MACF1: variants seen among roughly 807,000 people sequenced by gnomAD.
MACF1 encodes microtubule actin crosslinking factor 1.
In MACF1, 193 loss-of-function variants were observed where a neutral mutation model predicts 854.8. That is an observed-to-expected ratio of 0.23 (90% CI 0.20 to 0.25). MACF1 has a LOEUF of 0.25. Among genes scored for constraint, MACF1 ranks in the 10% least tolerant of loss-of-function variants. The pLI, the probability that MACF1 is intolerant of heterozygous loss-of-function variation, is 1.00. For synonymous variants in MACF1, 3,185 were observed against 3,226.7 expected, an observed-to-expected ratio of 0.99 and a Z score of 0.44; for missense variants, 7,722 against 8,929.1, an observed-to-expected ratio of 0.86 and a Z score of 5.45.
intron 20 of MACF1, among the ~76,000 whole-genome samples, 159 bp from the exon 21 acceptor site, chr1:39,297,461 C>T (rs968973766): frequency 3.9e-5 from 6 of 152,120 alleles, no homozygotes; most frequent in African/African-American, 9.7e-5. Flanking sequence ...TTAAGCCCTT[C>T]GGTTTATGTT....
At chr1:39,147,211 C>T (rs1643486301) in intron 2 of MACF1, among the ~76,000 whole-genome samples, 1 of 150,230 alleles carries the variant, frequency 6.7e-6, no homozygotes. Flanking sequence ...CTCTCCTCAC[C>T]TTCCCCTTTT....
chr1:39,247,738 A>G (rs1056449020), intron 2 of MACF1, among the ~76,000 whole-genome samples: 2 of 152,224 alleles, frequency 1.3e-5, no homozygotes, highest in African/African-American at 4.8e-5. Flanking sequence ...TGCAGATTAA[A>G]TTTAAAAGTG....
intron 2 of MACF1, among the ~76,000 whole-genome samples, chr1:39,146,263 C>T (rs1005484391): frequency 3.3e-5 from 5 of 151,854 alleles, no homozygotes; most frequent in African/African-American, 7.3e-5. Flanking sequence ...GCCAACATGG[C>T]GAAACCCCAT....
At chr1:39,292,087 G>A in intron 16 of MACF1, 49 bp downstream of exon 16, 1 of 1,605,606 alleles carries the variant, frequency 6.2e-7, no homozygotes, top group Non-Finnish European at 8.5e-7. Flanking sequence ...GGTTGGAACG[G>A]ATGAAAGGAC....
rs776414004 is a variant in MACF1 at position 39,370,141 on chromosome 1, T to C, written c.13050T>C (p.Thr4350=). The C allele has an allele frequency of 1.2e-5, 19 of 1,613,956 alleles. No homozygotes were observed. Among genetic ancestry groups the C allele is most frequent in the Non-Finnish European group, 1.5e-5 (18 of 1,179,976 alleles). ...ETEGSIPPTE[T]SMSAKELEKQ... ...AAGGGAGTATTCCACCTACGGAAAC[T>C]TCTATGAGTGCTAAAGAGTTAGAAA... The change falls in exon 51 of 101, where the codon ACT becomes ACC. Residue 4350 remains threonine (T), a synonymous_variant. Transcript: ENST00000564288.
In MACF1 at chr1:39,324,259, A is replaced by G. The variant is rs1646568458; in HGVS notation, c.4303A>G (p.Thr1435Ala). The G allele has an allele frequency of 6.2e-7, 1 of 1,613,912 alleles. No individual in the cohort carries two copies. ...TAAAGAACTTTTGGGCTGGGTGTCT[A>G]CCCTAGCGAGGAATACACAAGGAAA... ...KVKELLGWVSTLARNTQGKAT... is the reference protein window; with the variant it reads ...KVKELLGWVSALARNTQGKAT... Residue 1435 changes from threonine (T) to alanine (A), a missense_variant, in exon 34 of 101, where the codon ACC (threonine) becomes GCC (alanine). By Grantham distance (58) the Thr-to-Ala change is moderately conservative. This residue lies in a region of MACF1 where 1,137 missense variants were observed against 1,263.0 expected (regional missense o/e 0.90). Coordinates refer to ENST00000564288, the MANE Select transcript of MACF1 (RefSeq NM_001394062.1).
At chr1:39,187,964 T>TTC (rs1644199054) in intron 2 of MACF1, among the ~76,000 whole-genome samples, 1 of 51,974 alleles carries the variant, frequency 1.9e-5, no homozygotes, top group African/African-American at 6.2e-5. Context: ...TTCCCTCCCC[T>TTC]CCTCTCCCCT....
At chr1:39,150,344 A>G (rs1643553469) in intron 2 of MACF1, among the ~76,000 whole-genome samples, 1 of 152,082 alleles carries the variant, frequency 6.6e-6, no homozygotes, top group South Asian at 2.1e-4. Flanking sequence ...CTCTCACATT[A>G]CTAGTTCTGT....
At chr1:39,142,353 T>C (rs569606718) in intron 2 of MACF1, among the ~76,000 whole-genome samples, 2 of 151,888 alleles carry the variant, frequency 1.3e-5, no homozygotes, top group Admixed American at 1.3e-4. Context: ...GATGGGGGAG[T>C]CTCTCCCACC....
chr1:39,126,049 A>G (rs1557469604), intron 2 of MACF1, among the ~76,000 whole-genome samples: 3 of 152,058 alleles, frequency 2.0e-5, no homozygotes, highest in Middle Eastern at 3.2e-3. Context: ...GATAAATGCC[A>G]TTTTTTTTGA....
intron 80 of MACF1, among the ~76,000 whole-genome samples, chr1:39,446,392 T>C (rs1393151606): frequency 6.6e-6 from 1 of 151,896 alleles, no homozygotes; most frequent in East Asian, 1.9e-4. Flanking sequence ...ACTTGTAATA[T>C]ATTAATTTCT....
chr1:39,175,564 C>T (rs1289088326), intron 2 of MACF1, among the ~76,000 whole-genome samples: 1 of 152,144 alleles, frequency 6.6e-6, no homozygotes, highest in Non-Finnish European at 1.5e-5. Context: ...TTTTTCTCTT[C>T]CTGGTCAAGT....
intron 2 of MACF1, among the ~76,000 whole-genome samples, chr1:39,113,907 A>G (rs1437411881): frequency 6.6e-6 from 1 of 152,044 alleles, no homozygotes; most frequent in Non-Finnish European, 1.5e-5. Context: ...ATGGTGGTAC[A>G]TGCCTGTAGT....
At chr1:39,301,807 G>A (rs1347792802) in intron 22 of MACF1, among the ~76,000 whole-genome samples, 2 of 152,000 alleles carry the variant, frequency 1.3e-5, no homozygotes, top group South Asian at 2.1e-4. Context: ...GGAAAAAGCC[G>A]AAACTCCTTA....
At chr1:39,238,929 C>T (rs935632908) in intron 2 of MACF1, among the ~76,000 whole-genome samples, 3 of 152,188 alleles carry the variant, frequency 2.0e-5, no homozygotes, top group Admixed American at 6.5e-5. Flanking sequence ...CTTTGCTTTG[C>T]TCCCCAAGTA....
chr1:39,133,595 A>C (rs1643073893), intron 2 of MACF1, among the ~76,000 whole-genome samples: 1 of 151,974 alleles, frequency 6.6e-6, no homozygotes, highest in Non-Finnish European at 1.5e-5. Context: ...TTATAAAGGT[A>C]TAATTGATAT....
Position 39,283,455 on chromosome 1 carries a change from G to A in MACF1, c.855G>A (p.Val285=), listed in dbSNP as rs1220919297. The change falls in exon 9 of 101, where the codon GTG becomes GTA. Residue 285 remains valine, a synonymous_variant. Transcript: ENST00000564288. This position sits in a 1 kb window ranked among gnomAD's most constrained non-coding sequence, Gnocchi z 4.5. ...SPDEKSVITY[V]SSIYDAFPKV... is the part of the protein sequence containing the mutation. ...ATGAAAAGTCTGTAATCACTTATGT[G>A]TCTTCGATTTATGATGCCTTCCCTA... 3 of 1,613,112 alleles carry A rather than the reference G, an allele frequency of 1.9e-6. No homozygotes were observed. Among genetic ancestry groups the A allele is most frequent in the Non-Finnish European group, 2.5e-6 (3 of 1,179,050 alleles).
intron 86 of MACF1, 34 bp from the exon 87 acceptor site, chr1:39,452,650 G>A (rs1299308418): frequency 5.6e-6 from 9 of 1,611,648 alleles, no homozygotes; most frequent in Non-Finnish European, 7.6e-6. Flanking sequence ...TGGCTGCAGA[G>A]AGAGGTTGAA....
rs772340474 is a variant in MACF1 at position 39,310,908 on chromosome 1, C to G, written c.3178C>G (p.Gln1060Glu). The G allele has an allele frequency of 5.0e-6, 8 of 1,614,162 alleles. No homozygotes were observed. The African/African-American group carries it at 1.1e-4, about 22-fold the overall frequency. Residue 1060 changes from glutamine (Q) to glutamate (E), a missense_variant, in exon 26 of 101, where the codon CAG becomes GAG. Around this residue, in one of 15 missense-constraint regions of MACF1, gnomAD observed 1,137 missense variants for 1,263.0 expected, o/e 0.90. Coordinates refer to ENST00000564288, the MANE Select transcript of MACF1 (RefSeq NM_001394062.1). The stretch of plus-strand genomic sequence containing the variant: ...CCGGCTACGCCTGGAGGAGTATGAA[C>G]AGAGGGTGGTCAAACGAATTCAGTC... ...NIRLRLEEYE[Q>E]RVVKRIQSLA...
Sources: gnomAD v4.1 joint callset for allele counts (sites outside exome capture counted in the v4.1 genomes callset) on GRCh38, gnomAD v4.1.1 for gene constraint, gnomAD v4.1.1 regional missense constraint, Gnocchi (gnomAD v3.1) non-coding constraint, MANE v1.5 for transcripts, NCBI Gene and HGNC (gene_info 2026-07-23, HGNC 2026-07-21) for gene names.